Variants in RPL7L1 observed in about 807,000 individuals in gnomAD.
The protein encoded by RPL7L1 is ribosomal protein L7 like 1.
RPL7L1 carries 20 observed loss-of-function variants against 30.3 expected under a neutral mutation model. The ratio of observed to expected loss-of-function variants is 0.66; its 90% CI spans 0.46 to 0.96. The LOEUF is 0.96. RPL7L1 is among the 40% of genes least tolerant of loss of function. The pLI is 0.00. For synonymous variants in RPL7L1, 107 were observed against 110.1 expected (o/e 0.97, Z 0.18); for missense variants, 271 against 314.9 (o/e 0.86, Z 1.05).
Position 42,889,771 on chromosome 6 carries a change from T to G in RPL7L1, c.*3307T>G, listed in dbSNP as rs1452259243. On this transcript the variant is annotated 3_prime_UTR_variant, in exon 6 of 6. Coordinates refer to ENST00000493763, the MANE Select transcript of RPL7L1 (RefSeq NM_001366481.3). ...CAAAACAATAGTTTGTAATTTATTC[T>G]GTCAGAGCAAACTGCTGGTAAATAA... 1 of 152,236 alleles carries G rather than the reference T, an allele frequency of 6.6e-6. No individual in the cohort carries two copies. The highest frequency in any genetic ancestry group is 2.4e-5 in the African/African-American group (1 of 41,464). 9.4% of individuals were successfully genotyped at this position (152,236 alleles called of 1,614,324 possible). A position where few individuals can be genotyped will look rare whatever the true frequency, so the allele number is the denominator to read the frequency against.
At position 42,881,682 on chromosome 6, in the gene RPL7L1, T is replaced by G. The variant is rs142909467; in HGVS notation, c.147+716T>G. 3 of 152,134 alleles carry G rather than the reference T, an allele frequency of 2.0e-5. 1 individual carries two copies. In the East Asian group the frequency reaches 5.8e-4, roughly 30 times the overall value. 9.4% of individuals were successfully genotyped at this position (152,134 alleles called of 1,614,324 possible). A position where few individuals can be genotyped will look rare whatever the true frequency, so the allele number is the denominator to read the frequency against. ...GCCTACTGGGCTCAAGCAATTCTCG[T>G]GCCTCAGCCAACCAAGTAGCTAGGA... On this transcript the variant is annotated intron_variant, in intron 2 of 5. Transcript: ENST00000493763.
At chr6:42,879,991 G>A (rs1766013042) in intron 1 of RPL7L1, 40 bp downstream of exon 1, 1 of 1,601,580 alleles carries the variant, frequency 6.2e-7, no homozygotes, top group Non-Finnish European at 8.6e-7. Flanking sequence ...GTGGGGTCTT[G>A]AGTATCCGGT....
Position 42,886,263 on chromosome 6 carries a change from T to G in RPL7L1, c.567T>G (p.Phe189Leu). 1 of 1,610,848 alleles carries G rather than the reference T, an allele frequency of 6.2e-7. No individual in the cohort carries two copies. The highest frequency in any genetic ancestry group is 8.5e-7 in the Non-Finnish European group (1 of 1,178,816). Reference protein sequence around the residue: ...NTVIEEHLGKFGVICLEDLIH... With the variant: ...NTVIEEHLGKLGVICLEDLIH... Reference sequence around the variant, plus strand: ...TGCTTTTGTGTTTCTTAGGGAAGTTTGGCGTCATTTGCTTGGAAGACCTCA... The same window carrying G: ...TGCTTTTGTGTTTCTTAGGGAAGTTGGGCGTCATTTGCTTGGAAGACCTCA... The change falls in exon 6 of 6, where the codon TTT becomes TTG. Residue 189 changes from phenylalanine (F) to leucine (L), a missense_variant. Transcript: ENST00000493763.
At position 42,887,556 on chromosome 6, in the gene RPL7L1, C is replaced by T. The variant is rs996709289; in HGVS notation, c.*1092C>T. 2 of 152,024 alleles carry T rather than the reference C, an allele frequency of 1.3e-5. No homozygotes were observed. The highest frequency in any genetic ancestry group is 4.8e-5 in the African/African-American group (2 of 41,370). The allele number at this position is 152,024 out of a possible 1,614,324, so 9.4% of individuals were successfully genotyped here. On this transcript the variant is annotated 3_prime_UTR_variant, in exon 6 of 6. Transcript: ENST00000493763. ...TGAGATCACGCCATTGCACTCCAGC[C>T]TGGGCAACAAGCGAAACTCTGTCTC...
At chr6:42,881,468 AAATAAAT>A in intron 2 of RPL7L1, 1 of 99,338 alleles carries the variant, frequency 1.0e-5, no homozygotes, top group African/African-American at 3.3e-5. Context: ...CTCTCTCAAA[AAATAAAT>A]AAATAAATAA....
At chr6:42,886,174 C>T in intron 5 of RPL7L1, 82 bp from the exon 6 acceptor site, 1 of 1,448,450 alleles carries the variant, frequency 6.9e-7, no homozygotes, top group South Asian at 1.1e-5. Flanking sequence ...TTCTTGGGGC[C>T]CCAAGAGTCT....
Position 42,879,825 on chromosome 6 carries a change from T to C in RPL7L1, c.-86T>C. On this transcript the variant is annotated 5_prime_UTR_variant, in exon 1 of 6. Transcript: ENST00000493763. ...TCACTGCGGCTAAGTGAACGCTGAC[T>C]GGTCCTCCAGCGTGAGCTAGAACAG... 3.5e-6 allele frequency: 5 copies of C among 1,419,954 alleles called. No homozygotes were observed. The highest frequency in any genetic ancestry group is 4.0e-6 in the Non-Finnish European group (4 of 1,006,070). 88.0% of individuals were successfully genotyped at this position (1,419,954 alleles called of 1,614,324 possible).
Position 42,888,329 on chromosome 6 carries a change from T to G in RPL7L1, c.*1865T>G, listed in dbSNP as rs1195481769. ...ACCACACCCAGCTAATTCTTGTATT[T>G]TTAGTAGAGATGGAGACAGAGTTTC... On this transcript the variant is annotated 3_prime_UTR_variant, in exon 6 of 6. Coordinates refer to ENST00000493763, the MANE Select transcript of RPL7L1 (RefSeq NM_001366481.3). 1 of 152,158 alleles carries G rather than the reference T, an allele frequency of 6.6e-6. No individual in the cohort carries two copies. Among genetic ancestry groups the G allele is most frequent in the Non-Finnish European group, 1.5e-5 (1 of 68,050 alleles). 9.4% of individuals were successfully genotyped at this position (152,158 alleles called of 1,614,324 possible).
Position 42,888,228 on chromosome 6 carries a change from C to T in RPL7L1, c.*1764C>T, listed in dbSNP as rs1436442321. On this transcript the variant is annotated 3_prime_UTR_variant, in exon 6 of 6. Transcript: ENST00000493763. The stretch of plus-strand genomic sequence containing the variant: ...GGAGCGCAGTGGCATGATCTCAGCT[C>T]ATTGCAGCCTCCACCTCCTGGGTTC... 1 of 152,290 alleles carries T rather than the reference C, an allele frequency of 6.6e-6. No homozygotes were observed. The highest frequency in any genetic ancestry group is 2.4e-5 in the African/African-American group (1 of 41,456). 9.4% of individuals were successfully genotyped at this position (152,290 alleles called of 1,614,324 possible).
chr6:42,883,741 G>C lies in RPL7L1; in HGVS notation c.311+127G>C, dbSNP rs547735348. 2.3e-5 allele frequency: 16 copies of C among 695,538 alleles called. No individual in the cohort carries two copies. In the South Asian group the frequency reaches 3.3e-4, roughly 14 times the overall value. The allele number at this position is 695,538 out of a possible 1,614,324, so 43.1% of individuals were successfully genotyped here. The stretch of plus-strand genomic sequence containing the variant: ...CAAATTGTGCTAGGATGTCAGGGTT[G>C]AGCACAATTTAGTCTGCAATATTTG... On this transcript the variant is annotated intron_variant, in intron 3 of 5. Transcript: ENST00000493763.
chr6:42,880,461 G>C (rs1389824499), intron 1 of RPL7L1: 1 of 230,910 alleles, frequency 4.3e-6, no homozygotes, highest in Non-Finnish European at 8.7e-6. Context: ...GTTCCCTAAA[G>C]CCCAGGATAT....
At position 42,889,649 on chromosome 6, in the gene RPL7L1, T is replaced by C. The variant is rs901436733; in HGVS notation, c.*3185T>C. On this transcript the variant is annotated 3_prime_UTR_variant, in exon 6 of 6. Transcript: ENST00000493763. ...CAAGGCTTATATCCCAGCTCTGTCT[T>C]ACACTAAATATGGGTACAGTGTTTC... The C allele has an allele frequency of 1.3e-5, 2 of 152,490 alleles. No homozygotes were observed. Among genetic ancestry groups the C allele is most frequent in the African/African-American group, 4.8e-5 (2 of 41,450 alleles). The allele number at this position is 152,490 out of a possible 1,614,324, so 9.4% of individuals were successfully genotyped here. A position where few individuals can be genotyped will look rare whatever the true frequency, so the allele number is the denominator to read the frequency against.
chr6:42,880,069 T>G, intron 1 of RPL7L1, 118 bp downstream of exon 1: 1 of 1,032,596 alleles, frequency 9.7e-7, no homozygotes, highest in Non-Finnish European at 1.5e-6. Flanking sequence ...AGGCCACAGT[T>G]TACAAAGGGT....
intron 4 of RPL7L1, chr6:42,885,643 T>C (rs528684043): frequency 4.8e-6 from 1 of 207,302 alleles, no homozygotes; most frequent in East Asian, 1.1e-4. Context: ...TTCCAACTCT[T>C]GCACCATCTT....
intron 5 of RPL7L1, 80 bp downstream of exon 5, chr6:42,886,163 C>T (rs746957885): frequency 7.1e-7 from 1 of 1,407,754 alleles, no homozygotes; most frequent in Non-Finnish European, 1.0e-6. Context: ...AGGTTGTATT[C>T]TTCTTGGGGC....
Position 42,887,428 on chromosome 6 carries a change from C to A in RPL7L1, c.*964C>A, listed in dbSNP as rs1308392844. 1 of 151,872 alleles carries A rather than the reference C, an allele frequency of 6.6e-6. No homozygotes were observed. Among genetic ancestry groups the A allele is most frequent in the Non-Finnish European group, 1.5e-5 (1 of 67,962 alleles). The allele number at this position is 151,872 out of a possible 1,614,324, so 9.4% of individuals were successfully genotyped here. The stretch of plus-strand genomic sequence containing the variant: ...AGAAATGCCATCTCTACTAAAAATA[C>A]AAAAATTAGCCGGGCATGGTGGCAC... On this transcript the variant is annotated 3_prime_UTR_variant, in exon 6 of 6. Coordinates refer to ENST00000493763, the MANE Select transcript of RPL7L1 (RefSeq NM_001366481.3).
chr6:42,886,171 G>T, intron 5 of RPL7L1, 85 bp from the exon 6 acceptor site: 1 of 1,431,732 alleles, frequency 7.0e-7, no homozygotes, highest in Non-Finnish European at 9.8e-7. Context: ...TTCTTCTTGG[G>T]GCCCCAAGAG....
At chr6:42,884,566 CAT>C in intron 3 of RPL7L1, 45 bp from the exon 4 acceptor site, 1 of 1,588,444 alleles carries the variant, frequency 6.3e-7, no homozygotes, top group South Asian at 1.1e-5. Context: ...GCTGGACTGA[CAT>C]AAACTGGAGG....
rs759582305 is a variant in RPL7L1 at position 42,883,588 on chromosome 6, C to T, written c.285C>T (p.Ser95=). The T allele has an allele frequency of 6.3e-7, 1 of 1,598,654 alleles. No individual in the cohort carries two copies. Reference sequence around the variant, plus strand: ...CCTTGGAATTGCCAGATAAACATTCCTTGGCCTTTGTTGTACGCATCGAAA... The same window carrying T: ...CCTTGGAATTGCCAGATAAACATTCTTTGGCCTTTGTTGTACGCATCGAAA... The part of the protein sequence containing the change: ...PHALELPDKH[S]LAFVVRIERI... Residue 95 remains serine (S), a synonymous_variant, in exon 3 of 6, where the codon TCC becomes TCT. Coordinates refer to ENST00000493763, the MANE Select transcript of RPL7L1 (RefSeq NM_001366481.3).
Sources: allele counts gnomAD v4.1 joint callset, GRCh38; gene constraint gnomAD v4.1.1; transcripts MANE v1.5; gene names NCBI Gene and HGNC (gene_info 2026-07-23, HGNC 2026-07-21).